CACNA1C: variants seen among roughly 807,000 people sequenced by gnomAD.
CACNA1C encodes calcium voltage-gated channel subunit alpha1 C.
CACNA1C carries 30 observed loss-of-function variants against 229.0 expected under a neutral mutation model. The ratio of observed to expected loss-of-function variants is 0.13; its 90% CI spans 0.10 to 0.18. The LOEUF is 0.18. Ranked by LOEUF, CACNA1C falls within the 10% of genes least tolerant of loss-of-function variation. The pLI is 1.00. For synonymous variants in CACNA1C, 1,114 were observed against 1,132.5 expected (o/e 0.98, Z 0.33); for missense variants, 1,658 against 2,845.0 (o/e 0.58, Z 9.49).
intron 3 of CACNA1C, among the ~76,000 whole-genome samples, chr12:2,373,164 C>A (rs1108385): frequency 0.29 from 44,695 of 151,946 alleles, 7,395 homozygotes; most frequent in Non-Finnish European, 0.38. Flanking sequence ...CCCAACCCTT[C>A]ATTTGAGTGC....
chr12:2,181,193 C>T lies in CACNA1C; in HGVS notation c.477+60763C>T, dbSNP rs146286532. On this transcript the variant is annotated intron_variant, in intron 3 of 46. Coordinates refer to ENST00000399655, the MANE Select transcript of CACNA1C (RefSeq NM_000719.7). This position sits in a 1 kb window ranked among gnomAD's most constrained non-coding sequence, Gnocchi z 4.0. ...ACGGCGGTAACAATGATCATTACTA[C>T]CTCTGTTATTTCCTGTAGCCAACTG... 8.1e-4 allele frequency among the ~76,000 whole-genome samples: 124 copies of T among 152,268 alleles called. No individual in the cohort carries two copies. The highest frequency in any genetic ancestry group is 3.0e-3 in the African/African-American group (124 of 41,556).
chr12:2,352,686 G>T (rs1383218303), intron 3 of CACNA1C, among the ~76,000 whole-genome samples: 1 of 149,584 alleles, frequency 6.7e-6, no homozygotes, highest in Non-Finnish European at 1.5e-5. Context: ...GTGGGGAGAT[G>T]CTGGTTACCC....
chr12:2,095,386 C>T (rs973457829), intron 1 of CACNA1C, among the ~76,000 whole-genome samples: 1 of 152,232 alleles, frequency 6.6e-6, no homozygotes, highest in African/African-American at 2.4e-5. Flanking sequence ...AGCGTTTTTA[C>T]AGCTCTAGGT....
At chr12:2,375,146 G>A (rs181785193) in intron 3 of CACNA1C, among the ~76,000 whole-genome samples, 5 of 152,336 alleles carry the variant, frequency 3.3e-5, no homozygotes, top group African/African-American at 1.2e-4. Context: ...CCAGTGCAGG[G>A]CGCACTTCTC....
intron 3 of CACNA1C, among the ~76,000 whole-genome samples, chr12:2,226,029 G>A (rs1458527735): frequency 2.0e-5 from 3 of 152,092 alleles, no homozygotes; most frequent in South Asian, 4.2e-4. Context: ...TGCTAGGAGA[G>A]GAAGGTGATG....
At chr12:2,364,164 C>A (rs1377478671) in intron 3 of CACNA1C, among the ~76,000 whole-genome samples, 1 of 152,208 alleles carries the variant, frequency 6.6e-6, no homozygotes, top group East Asian at 1.9e-4. Context: ...AGTGAAGGCC[C>A]ACACTCTCCT....
At chr12:2,400,349 G>A (rs1373867573) in intron 3 of CACNA1C, among the ~76,000 whole-genome samples, 1 of 152,158 alleles carries the variant, frequency 6.6e-6, no homozygotes, top group African/African-American at 2.4e-5. Flanking sequence ...TTGTGAAGTG[G>A]ACTCCAGGTG....
chr12:2,463,060 C>T (rs913418230), intron 5 of CACNA1C, among the ~76,000 whole-genome samples: 7 of 149,660 alleles, frequency 4.7e-5, no homozygotes, highest in African/African-American at 1.5e-4. Context: ...CTATAGGCAC[C>T]CGCCACCACG....
At chr12:2,607,972 A>G (rs1411443192) in intron 26 of CACNA1C, 2 of 152,654 alleles carry the variant, frequency 1.3e-5, no homozygotes, top group African/African-American at 2.4e-5. Context: ...TTCATGGGGC[A>G]CACAGCCCAG....
intron 3 of CACNA1C, among the ~76,000 whole-genome samples, chr12:2,217,093 T>C (rs1185679827): frequency 6.6e-6 from 1 of 152,254 alleles, no homozygotes; most frequent in Non-Finnish European, 1.5e-5. Context: ...AAGGAGATCC[T>C]GATACATGCT....
intron 3 of CACNA1C, among the ~76,000 whole-genome samples, chr12:2,372,622 T>TC (rs1316804693): frequency 6.0e-5 from 9 of 150,194 alleles, no homozygotes. Context: ...AAATCCGCAT[T>TC]CCCTTTTTTT....
intron 3 of CACNA1C, among the ~76,000 whole-genome samples, chr12:2,411,745 C>T (rs1234138848): frequency 6.6e-6 from 1 of 152,194 alleles, no homozygotes; most frequent in East Asian, 1.9e-4. Flanking sequence ...GGGGATTAGC[C>T]CAGCGCTGCT....
intron 3 of CACNA1C, among the ~76,000 whole-genome samples, chr12:2,300,521 G>T (rs1015289839): frequency 6.6e-6 from 1 of 152,178 alleles, no homozygotes; most frequent in African/African-American, 2.4e-5. Context: ...AGCTACTTGG[G>T]AGGCTGAGGT....
At chr12:2,534,492 C>T (rs1344198977) in intron 9 of CACNA1C, among the ~76,000 whole-genome samples, 1 of 152,242 alleles carries the variant, frequency 6.6e-6, no homozygotes, top group Non-Finnish European at 1.5e-5. Flanking sequence ...TTACAACCAA[C>T]AACTTAACTG....
intron 1 of CACNA1C, among the ~76,000 whole-genome samples, chr12:2,025,939 G>C (rs923360329): frequency 1.3e-5 from 2 of 152,182 alleles, no homozygotes; most frequent in Admixed American, 6.5e-5. Flanking sequence ...GTAACCAAGG[G>C]GGGAAGACAT....
At position 2,630,670 on chromosome 12, in the gene CACNA1C, G is replaced by T. The variant is rs2089968336; in HGVS notation, c.3829-3627G>T. Reference sequence around the variant, plus strand: ...AAGAGCTGCCTCTTAAAGGGACCCTGTTTGTGCCCAGACATGTACCCTCAC... The same window carrying T: ...AAGAGCTGCCTCTTAAAGGGACCCTTTTTGTGCCCAGACATGTACCCTCAC... On this transcript the variant is annotated intron_variant, in intron 29 of 46. Transcript: ENST00000399655. This position sits in a 1 kb window ranked among gnomAD's most constrained non-coding sequence, Gnocchi z 5.4. 6.6e-6 allele frequency among the ~76,000 whole-genome samples: 1 copy of T among 152,206 alleles called. No individual in the cohort carries two copies. Among genetic ancestry groups the T allele is most frequent in the Non-Finnish European group, 1.5e-5 (1 of 68,038 alleles).
chr12:2,298,912 C>T lies in CACNA1C; in HGVS notation c.478-150064C>T, dbSNP rs192905618. Among the ~76,000 whole-genome samples, 337 of 152,340 alleles carry T rather than the reference C, an allele frequency of 2.2e-3. 2 individuals carry two copies. The highest frequency in any genetic ancestry group is 7.8e-3 in the African/African-American group (325 of 41,584). On this transcript the variant is annotated intron_variant, in intron 3 of 46. Coordinates refer to ENST00000399655, the MANE Select transcript of CACNA1C (RefSeq NM_000719.7). ...TGCTGGAAACTGACTTCAAGAGTAA[C>T]ACTGTTGTGGCTCCCACCTCCGGGG... is the stretch of plus-strand genomic sequence containing the variant.
intron 3 of CACNA1C, among the ~76,000 whole-genome samples, chr12:2,296,938 A>G (rs796930974): frequency 6.6e-5 from 10 of 152,364 alleles, no homozygotes; most frequent in African/African-American, 2.4e-4. Context: ...CACAGATCAT[A>G]TACATCCACA....
intron 3 of CACNA1C, among the ~76,000 whole-genome samples, chr12:2,199,291 G>A (rs1421049692): frequency 2.0e-5 from 3 of 152,062 alleles, no homozygotes; most frequent in Non-Finnish European, 4.4e-5. Context: ...CTTACACGTG[G>A]ATTTCCTTCC....
Sources: allele counts gnomAD v4.1 joint callset (sites outside exome capture counted in the v4.1 genomes callset), GRCh38; gene constraint gnomAD v4.1.1; non-coding constraint Gnocchi (gnomAD v3.1); transcripts MANE v1.5; gene names NCBI Gene and HGNC (gene_info 2026-07-23, HGNC 2026-07-21).